Variants in TRAPPC9 observed in about 807,000 individuals in gnomAD.
The protein encoded by TRAPPC9 is IKK2 binding protein.
A neutral mutation model predicts 124.0 loss-of-function variants in TRAPPC9; 83 were observed. The ratio of observed to expected loss-of-function variants is 0.67; its 90% CI spans 0.56 to 0.80. The LOEUF (loss-of-function observed/expected upper bound fraction) is 0.80, where lower values mean the gene tolerates loss of function less well. TRAPPC9 is among the 30% of genes least tolerant of loss of function. The pLI, the probability that TRAPPC9 is intolerant of heterozygous loss-of-function variation, is 0.00. For synonymous variants in TRAPPC9, 638 were observed against 617.5 expected, an observed-to-expected ratio of 1.03 and a Z score of -0.49; for missense variants, 1,302 against 1,508.3, an observed-to-expected ratio of 0.86 and a Z score of 2.27.
At chr8:140,058,438 T>C (rs1285521305) in intron 17 of TRAPPC9, among the ~76,000 whole-genome samples, 1 of 152,198 alleles carries the variant, frequency 6.6e-6, no homozygotes, top group Non-Finnish European at 1.5e-5. Context: ...TCCTCAACTA[T>C]TCATTCATTC....
rs1421902865 is a variant in TRAPPC9, at chr8:140,182,389, T to C, written c.2556+39070A>G. ...TTCCAAAAGTAACTGCCCACTACTC[T>C]AAATTCGATTTCACAAATATGTTTG... On this transcript the variant is annotated intron_variant, in intron 17 of 22. Transcript: ENST00000438773. This position sits in a 1 kb window ranked among gnomAD's most constrained non-coding sequence, Gnocchi z 4.0. Among the ~76,000 whole-genome samples the C allele has an allele frequency of 6.6e-6, 1 of 151,584 alleles. No individual in the cohort carries two copies. Among genetic ancestry groups the C allele is most frequent in the African/African-American group, 2.4e-5 (1 of 41,262 alleles).
At chr8:140,343,967 C>T (rs1050117473) in intron 9 of TRAPPC9, among the ~76,000 whole-genome samples, 46 of 151,960 alleles carry the variant, frequency 3.0e-4, no homozygotes, top group Non-Finnish European at 4.6e-4. Flanking sequence ...GTGGAGGGAA[C>T]GGTGGAAATG....
intron 17 of TRAPPC9, among the ~76,000 whole-genome samples, chr8:140,092,492 C>T (rs182449884): frequency 1.7e-3 from 253 of 152,168 alleles, no homozygotes; most frequent in African/African-American, 5.8e-3. Flanking sequence ...CCACCACGCG[C>T]GGCCACAGTG....
intron 21 of TRAPPC9, among the ~76,000 whole-genome samples, chr8:139,854,812 G>T (rs1827701074): frequency 6.6e-6 from 1 of 152,194 alleles, no homozygotes; most frequent in African/African-American, 2.4e-5. Flanking sequence ...ATAAGCTCAG[G>T]AAAGAGGGTG....
intron 7 of TRAPPC9, among the ~76,000 whole-genome samples, chr8:140,392,504 A>T (rs2068956046): frequency 6.6e-6 from 1 of 152,214 alleles, no homozygotes. Context: ...GTTTATGTTT[A>T]TCTGCTCAGT....
intron 17 of TRAPPC9, among the ~76,000 whole-genome samples, chr8:140,169,387 T>C (rs2061916623): frequency 6.6e-6 from 1 of 152,016 alleles, no homozygotes; most frequent in Admixed American, 6.5e-5. Flanking sequence ...CTCAAACGGT[T>C]CAACAGAGAG....
intron 17 of TRAPPC9, among the ~76,000 whole-genome samples, chr8:140,052,224 AACAAC>A (rs1187794595): frequency 8.1e-4 from 34 of 41,726 alleles, no homozygotes; most frequent in African/African-American, 1.9e-3. Flanking sequence ...CAACAACAAC[AACAAC>A]AACAACAACA....
In TRAPPC9 at chr8:140,333,703, T is replaced by C. The variant is rs569841725; in HGVS notation, c.1496-22329A>G. Among the ~76,000 whole-genome samples the C allele has an allele frequency of 1.3e-4, 20 of 152,382 alleles. No individual in the cohort carries two copies. The South Asian group carries it at 2.3e-3, about 17-fold the overall frequency. ...ACCGCGCCTGGCCATAAAAACTATA[T>C]TTTAAATGCTCAAAATTGAATTTTC... On this transcript the variant is annotated intron_variant, in intron 9 of 22. Coordinates refer to ENST00000438773, the MANE Select transcript of TRAPPC9 (RefSeq NM_001160372.4).
Position 140,033,162 on chromosome 8 carries a change from C to T in TRAPPC9, c.2557-9083G>A, listed in dbSNP as rs577138938. On this transcript the variant is annotated intron_variant, in intron 17 of 22. Transcript: ENST00000438773. ...ATGTCTGCAGACAGAGACAGTTTTG[C>T]TTCTTCATTTCCAAAATCTATGTCT... Among the ~76,000 whole-genome samples the T allele has an allele frequency of 3.2e-3, 487 of 152,196 alleles. 1 individual carries two copies. Among genetic ancestry groups the T allele is most frequent in the South Asian group, 4.8e-3 (23 of 4,822 alleles).
At chr8:139,946,982 A>G (rs1338738021) in intron 19 of TRAPPC9, among the ~76,000 whole-genome samples, 1 of 152,092 alleles carries the variant, frequency 6.6e-6, no homozygotes, top group Admixed American at 6.5e-5. Context: ...GTAAGACTCC[A>G]TCTCAAAAAA....
chr8:139,824,401 T>C (rs2130808328), intron 21 of TRAPPC9, among the ~76,000 whole-genome samples: 2 of 152,272 alleles, frequency 1.3e-5, no homozygotes, highest in Middle Eastern at 6.8e-3. Flanking sequence ...GCTAAGGCCT[T>C]GGAGCTGCCA....
intron 17 of TRAPPC9, among the ~76,000 whole-genome samples, chr8:140,195,298 A>G (rs2062620506): frequency 6.6e-6 from 1 of 152,094 alleles, no homozygotes; most frequent in Non-Finnish European, 1.5e-5. Flanking sequence ...ACACCAAAAC[A>G]CACTCAACGA....
chr8:140,030,130 G>T (rs1478917824), intron 17 of TRAPPC9, among the ~76,000 whole-genome samples: 1 of 152,056 alleles, frequency 6.6e-6, no homozygotes, highest in Non-Finnish European at 1.5e-5. Flanking sequence ...GGCATAGAAA[G>T]GAACATCCTC....
intron 17 of TRAPPC9, among the ~76,000 whole-genome samples, chr8:140,043,999 C>T (rs887759945): frequency 5.3e-5 from 8 of 152,192 alleles, no homozygotes; most frequent in Non-Finnish European, 1.2e-4. Flanking sequence ...GGTAAGCAGA[C>T]CGCCCCATTC....
intron 18 of TRAPPC9, among the ~76,000 whole-genome samples, chr8:140,013,681 C>T (rs571103736): frequency 6.6e-6 from 1 of 152,320 alleles, no homozygotes; most frequent in Non-Finnish European, 1.5e-5. Context: ...AAGACTGGCT[C>T]ATCCCTTTGT....
At chr8:140,349,439 G>T (rs1298846660) in intron 9 of TRAPPC9, among the ~76,000 whole-genome samples, 1 of 144,924 alleles carries the variant, frequency 6.9e-6, no homozygotes, top group Non-Finnish European at 1.5e-5. Context: ...CGATGGGGGC[G>T]CGCGAGGGAA....
intron 15 of TRAPPC9, among the ~76,000 whole-genome samples, chr8:140,272,429 A>G (rs1045421370): frequency 4.3e-5 from 6 of 139,266 alleles, no homozygotes; most frequent in East Asian, 2.3e-4. Context: ...GATGGTGGTG[A>G]TGGTAGTGAT....
intron 21 of TRAPPC9, among the ~76,000 whole-genome samples, chr8:139,761,902 C>T (rs1365084517): frequency 6.6e-6 from 1 of 151,600 alleles, no homozygotes; most frequent in Non-Finnish European, 1.5e-5. Flanking sequence ...CCCCTGACTC[C>T]CCCTTGTTTA....
At chr8:140,125,208 C>G (rs1182788557) in intron 17 of TRAPPC9, among the ~76,000 whole-genome samples, 4 of 152,204 alleles carry the variant, frequency 2.6e-5, no homozygotes, top group Admixed American at 2.0e-4. Flanking sequence ...GGGACACGGC[C>G]TCCCTAAGGG....
Sources: gnomAD v4.1 joint callset for allele counts (sites outside exome capture counted in the v4.1 genomes callset) on GRCh38, gnomAD v4.1.1 for gene constraint, Gnocchi (gnomAD v3.1) non-coding constraint, MANE v1.5 for transcripts, NCBI Gene and HGNC (gene_info 2026-07-23, HGNC 2026-07-21) for gene names.